Variants in HECW2 observed in about 807,000 individuals in gnomAD.
HECW2 encodes the protein HECT, C2 and WW domain containing E3 ubiquitin protein ligase 2, also known as E3 ubiquitin-protein ligase HECW2.
Under a neutral mutation model 175.2 loss-of-function variants are expected in HECW2, and 61 were observed. That is an observed-to-expected ratio of 0.35 (90% CI 0.28 to 0.43). HECW2 has a LOEUF of 0.43. HECW2 is among the 20% of genes least tolerant of loss of function. HECW2 has a pLI of 1.00. For missense variants in HECW2, 1,524 were observed against 2,000.5 expected, an observed-to-expected ratio of 0.76 and a Z score of 4.54; for synonymous variants, 671 against 731.0, an observed-to-expected ratio of 0.92 and a Z score of 1.32.
chr2:196,573,701 C>T (rs1234736320), intron 1 of HECW2, among the ~76,000 whole-genome samples: 1 of 152,096 alleles, frequency 6.6e-6, no homozygotes, highest in Non-Finnish European at 1.5e-5. Context: ...ACTGCGGATG[C>T]CTCGGCAGCA....
At chr2:196,287,132 G>A (rs144073361) in intron 14 of HECW2, among the ~76,000 whole-genome samples, 57 of 152,276 alleles carry the variant, frequency 3.7e-4, no homozygotes, top group Middle Eastern at 3.4e-3. Context: ...AACCATAACT[G>A]CTATTTGCTG....
In HECW2 at chr2:196,283,261, CAA is replaced by C. The variant is rs1190850443; in HGVS notation, c.3001-4601_3001-4600del. ...TGGGTGACAGAGCAAGACTCCATCT[CAA>C]AAAAAAAAAAAAAAAAAAAAAGTTG... On this transcript the variant is annotated intron_variant, in intron 14 of 28. Coordinates refer to ENST00000644978, the MANE Select transcript of HECW2 (RefSeq NM_001348768.2). Among the ~76,000 whole-genome samples the C allele has an allele frequency of 3.8e-3, 173 of 45,294 alleles. 2 individuals carry two copies. Among genetic ancestry groups the C allele is most frequent in the Middle Eastern group, 0.024 (1 of 42 alleles). 29.7% of individuals were successfully genotyped at this position (45,294 alleles called of 152,430 possible).
At chr2:196,205,681 T>C (rs1364452749) in intron 28 of HECW2, among the ~76,000 whole-genome samples, 2 of 152,158 alleles carry the variant, frequency 1.3e-5, no homozygotes, top group Admixed American at 6.5e-5. Flanking sequence ...AGGAGCTTGT[T>C]TTACAATGGA....
intron 28 of HECW2, among the ~76,000 whole-genome samples, chr2:196,211,540 A>C (rs1330224789): frequency 2.0e-5 from 3 of 152,152 alleles, no homozygotes; most frequent in African/African-American, 7.2e-5. Context: ...AGAGCCATGG[A>C]TTCAACTTGC....
At chr2:196,459,545 C>T (rs1458102009) in intron 1 of HECW2, among the ~76,000 whole-genome samples, 1 of 151,998 alleles carries the variant, frequency 6.6e-6, no homozygotes, top group Non-Finnish European at 1.5e-5. Context: ...CATGACCAGA[C>T]AGGAGGTCAG....
chr2:196,494,155 T>C (rs1687298249), intron 1 of HECW2, among the ~76,000 whole-genome samples: 2 of 152,176 alleles, frequency 1.3e-5, no homozygotes. Flanking sequence ...GAGCAGGACT[T>C]GTTCAGGAAA....
intron 1 of HECW2, among the ~76,000 whole-genome samples, chr2:196,509,327 G>A (rs916102008): frequency 6.6e-6 from 1 of 152,136 alleles, no homozygotes; most frequent in Admixed American, 6.5e-5. Context: ...TCAGCTATCT[G>A]GAAGCTCACC....
At chr2:196,297,223 A>G (rs1202114027) in intron 13 of HECW2, among the ~76,000 whole-genome samples, 1 of 152,198 alleles carries the variant, frequency 6.6e-6, no homozygotes. Flanking sequence ...TAATTTAACT[A>G]TTCTTTTTAG....
intron 1 of HECW2, among the ~76,000 whole-genome samples, chr2:196,504,563 A>C (rs916954810): frequency 3.9e-5 from 6 of 152,180 alleles, no homozygotes; most frequent in African/African-American, 1.4e-4. Context: ...ATGGTATTTA[A>C]GGAAATGCTA....
chr2:196,554,770 C>T (rs1209820412), intron 1 of HECW2, among the ~76,000 whole-genome samples: 1 of 152,224 alleles, frequency 6.6e-6, no homozygotes, highest in Non-Finnish European at 1.5e-5. Flanking sequence ...ATAAGTCAAT[C>T]ATCGGAGAAG....
At chr2:196,576,465 A>G (rs954303297) in intron 1 of HECW2, among the ~76,000 whole-genome samples, 11 of 152,350 alleles carry the variant, frequency 7.2e-5, no homozygotes, top group African/African-American at 2.6e-4. Context: ...GTCCAGAAAG[A>G]CAAGTACTGC....
intron 2 of HECW2, among the ~76,000 whole-genome samples, chr2:196,376,290 C>T (rs58772636): frequency 0.024 from 3,625 of 152,216 alleles, 150 homozygotes; most frequent in African/African-American, 0.083. Context: ...ATAATCTCAT[C>T]ATACTGAGAA....
intron 21 of HECW2, among the ~76,000 whole-genome samples, chr2:196,235,792 G>T (rs1366640537): frequency 1.3e-5 from 2 of 151,466 alleles, no homozygotes; most frequent in African/African-American, 4.9e-5. Flanking sequence ...AGTAGCTGGG[G>T]ACTACAGGCA....
At chr2:196,253,007 T>A (rs907519494) in intron 19 of HECW2, among the ~76,000 whole-genome samples, 3 of 152,234 alleles carry the variant, frequency 2.0e-5, no homozygotes, top group Non-Finnish European at 2.9e-5. Context: ...GTATTATTCA[T>A]CTCTGTAGTC....
chr2:196,207,811 A>T (rs1687125866), intron 28 of HECW2, among the ~76,000 whole-genome samples: 2 of 152,224 alleles, frequency 1.3e-5, no homozygotes, highest in Admixed American at 1.3e-4. Context: ...TCATTAGGTC[A>T]CTTTGGTTAA....
intron 1 of HECW2, among the ~76,000 whole-genome samples, chr2:196,490,367 C>T (rs1356363423): frequency 6.6e-6 from 1 of 152,166 alleles, no homozygotes; most frequent in Non-Finnish European, 1.5e-5. Flanking sequence ...TGTCACCTGA[C>T]AATGACAGGA....
At chr2:196,368,197 C>A (rs1267003679) in intron 2 of HECW2, among the ~76,000 whole-genome samples, 1 of 152,070 alleles carries the variant, frequency 6.6e-6, no homozygotes, top group Non-Finnish European at 1.5e-5. Flanking sequence ...AACTTCCAAA[C>A]TGTTTTCCAT....
At chr2:196,537,313 G>A (rs1335378674) in intron 1 of HECW2, among the ~76,000 whole-genome samples, 2 of 152,110 alleles carry the variant, frequency 1.3e-5, no homozygotes, top group Non-Finnish European at 2.9e-5. Context: ...GACAGGGTGG[G>A]AGGTGGGAAG....
intron 16 of HECW2, among the ~76,000 whole-genome samples, chr2:196,273,617 ATTTTGTGAGGCTG>A (rs772287227): frequency 9.9e-5 from 15 of 152,100 alleles, no homozygotes; most frequent in Non-Finnish European, 2.2e-4. Context: ...TTGATTGTTT[ATTTTGTGAGGCTG>A]CTACAGATTC....
Sources: gnomAD v4.1 joint callset for allele counts (sites outside exome capture counted in the v4.1 genomes callset) on GRCh38, gnomAD v4.1.1 for gene constraint, MANE v1.5 for transcripts, NCBI Gene and HGNC (gene_info 2026-07-23, HGNC 2026-07-21) for gene names.